RETREG2: variants seen among roughly 807,000 people sequenced by gnomAD.
The protein encoded by RETREG2 is reticulophagy regulator family member 2.
In RETREG2, 21 loss-of-function variants were observed where a neutral mutation model predicts 51.6. The observed-to-expected ratio is 0.41, with a 90% CI of 0.29 to 0.59. The LOEUF is 0.59. Ranked by LOEUF, RETREG2 falls within the 20% of genes least tolerant of loss-of-function variation. RETREG2 has a pLI of 0.34. For synonymous variants in RETREG2, 339 were observed against 288.6 expected (o/e 1.17, Z -1.77); for missense variants, 674 against 646.0 (o/e 1.04, Z -0.47).
intron 5 of RETREG2, 93 bp from the exon 6 acceptor site, chr2:219,180,969 C>T (rs1950269998): frequency 1.3e-6 from 2 of 1,552,714 alleles, no homozygotes; most frequent in African/African-American, 2.7e-5. Flanking sequence ...AAGGACCTTG[C>T]CTACCTTCAG....
In RETREG2 at chr2:219,183,826, C is replaced by T. The variant is rs866682618; in HGVS notation, c.*1197C>T. ...CACTGCTTTCTTAAGAAGTCTTCAC[C>T]CATCTACATGCTAACAACTCACTCA... On this transcript the variant is annotated 3_prime_UTR_variant, in exon 9 of 9. Coordinates refer to ENST00000430297, the MANE Select transcript of RETREG2 (RefSeq NM_024293.6). The T allele has an allele frequency of 2.6e-4, 40 of 152,306 alleles. 1 individual carries two copies. Among genetic ancestry groups the T allele is most frequent in the African/African-American group, 8.9e-4 (37 of 41,568 alleles). The allele number at this position is 152,306 out of a possible 1,614,324, so 9.4% of individuals were successfully genotyped here.
At chr2:219,180,535 C>G in intron 4 of RETREG2, 135 bp from the exon 5 acceptor site, 1 of 1,487,026 alleles carries the variant, frequency 6.7e-7, no homozygotes, top group Non-Finnish European at 9.1e-7. Flanking sequence ...CTTGAGCATC[C>G]TCTTAACCAA....
At chr2:219,180,307 A>G (rs1950260087) in intron 4 of RETREG2, 62 bp downstream of exon 4, 2 of 1,602,996 alleles carry the variant, frequency 1.2e-6, no homozygotes, top group Admixed American at 1.7e-5. Context: ...GTGGCGGGGG[A>G]TGGGAGTGGA....
Position 219,182,253 on chromosome 2 carries a change from C to T in RETREG2, c.1256C>T (p.Pro419Leu), listed in dbSNP as rs3731900. 6.2e-7 allele frequency: 1 copy of T among 1,613,666 alleles called. No individual in the cohort carries two copies. Among genetic ancestry groups the T allele is most frequent in the Admixed American group, 1.7e-5 (1 of 59,966 alleles). The change falls in exon 9 of 9, where the codon CCA (proline) becomes CTA (leucine). Residue 419 changes from proline (P) to leucine (L), a missense_variant. Transcript: ENST00000430297. ...NTHFNGAGSP[P>L]DGVKCSPGGP... Reference sequence around the variant, plus strand: ...CACTTCAATGGGGCAGGGTCCCCCCCAGATGGAGTGAAATGCTCCCCTGGA... The same window carrying T: ...CACTTCAATGGGGCAGGGTCCCCCCTAGATGGAGTGAAATGCTCCCCTGGA...
chr2:219,179,888 T>G (rs555532312), intron 3 of RETREG2, 125 bp downstream of exon 3: 2 of 1,249,048 alleles, frequency 1.6e-6, no homozygotes, highest in Non-Finnish European at 2.4e-6. Flanking sequence ...CCATGGGTTT[T>G]TCATGGTCCT....
rs1311057923 is a variant in RETREG2 at position 219,183,392 on chromosome 2, G to A, written c.*763G>A. Reference sequence around the variant, plus strand: ...TTAGGAGCTTCCTTACTGCTCCTCTGGGTGATCCAAGTGTAGTGGGACCCC... The same window carrying A: ...TTAGGAGCTTCCTTACTGCTCCTCTAGGTGATCCAAGTGTAGTGGGACCCC... On this transcript the variant is annotated 3_prime_UTR_variant, in exon 9 of 9. Coordinates refer to ENST00000430297, the MANE Select transcript of RETREG2 (RefSeq NM_024293.6). The A allele has an allele frequency of 2.6e-5, 4 of 152,296 alleles. No homozygotes were observed. The highest frequency in any genetic ancestry group is 5.9e-5 in the Non-Finnish European group (4 of 68,100). The allele number at this position is 152,296 out of a possible 1,614,324, so 9.4% of individuals were successfully genotyped here.
In RETREG2 at chr2:219,181,099, T is replaced by C; in HGVS notation, c.678T>C (p.His226=). 1 of 1,614,196 alleles carries C rather than the reference T, an allele frequency of 6.2e-7. No individual in the cohort carries two copies. The highest frequency in any genetic ancestry group is 1.7e-4 in the Middle Eastern group (1 of 6,044). The change falls in exon 6 of 9, where the codon CAT becomes CAC. Residue 226 remains histidine, a synonymous_variant. Coordinates refer to ENST00000430297, the MANE Select transcript of RETREG2 (RefSeq NM_024293.6). ...TGCTGTGGCCCCTGGTGGTTTATCATGAGCTGATCCAGAGGATGTACACTC... is the reference window on the plus strand; with the variant it reads ...TGCTGTGGCCCCTGGTGGTTTATCACGAGCTGATCCAGAGGATGTACACTC... ...SILLWPLVVY[H]ELIQRMYTRL...
At position 219,182,900 on chromosome 2, in the gene RETREG2, C is replaced by T. The variant is rs1950303340; in HGVS notation, c.*271C>T. ...CTAGGGAAGTCCTTCCCACAGCCTG[C>T]GCTTGCCTCCCTGCCTCATCTCTAT... On this transcript the variant is annotated 3_prime_UTR_variant, in exon 9 of 9. Coordinates refer to ENST00000430297, the MANE Select transcript of RETREG2 (RefSeq NM_024293.6). 11 of 493,748 alleles carry T rather than the reference C, an allele frequency of 2.2e-5. No individual in the cohort carries two copies. The highest frequency in any genetic ancestry group is 1.3e-4 in the South Asian group (5 of 39,668). The allele number at this position is 493,748 out of a possible 1,614,324, so 30.6% of individuals were successfully genotyped here.
intron 3 of RETREG2, 71 bp downstream of exon 3, chr2:219,179,834 GGAGCA>G: frequency 6.7e-7 from 1 of 1,498,870 alleles, no homozygotes. Context: ...GTGTCACCAT[GGAGCA>G]GGGCAGTGCC....
At position 219,185,111 on chromosome 2, in the gene RETREG2, G is replaced by A. The variant is rs1278502404; in HGVS notation, c.*2482G>A. On this transcript the variant is annotated 3_prime_UTR_variant, in exon 9 of 9. Coordinates refer to ENST00000430297, the MANE Select transcript of RETREG2 (RefSeq NM_024293.6). ...CAAAGTGCTGGGATTACAGGTGTGA[G>A]CCACGGCGCCCAGCCTCATGAGGGT... 1 of 151,956 alleles carries A rather than the reference G, an allele frequency of 6.6e-6. No homozygotes were observed. Among genetic ancestry groups the A allele is most frequent in the Non-Finnish European group, 1.5e-5 (1 of 68,012 alleles). 9.4% of individuals were successfully genotyped at this position (151,956 alleles called of 1,614,324 possible).
In RETREG2 at chr2:219,181,627, G is replaced by C. The variant is rs2272017; in HGVS notation, c.880-13G>C. 0.69 allele frequency: 1,105,460 copies of C among 1,612,752 alleles called. 390,332 individuals are homozygous for C. Among genetic ancestry groups the C allele is most frequent in the Non-Finnish European group, 0.73 (865,405 of 1,179,034 alleles). On this transcript the variant is annotated splice_polypyrimidine_tract_variant and intron_variant, in intron 7 of 8. Transcript: ENST00000430297. ...CCCCTCACATGTCGTGTTCATCCTG[G>C]TTCTCCTGCCAGGTGGATGTGAAGA...
chr2:219,185,368 G>T lies in RETREG2; in HGVS notation c.*2739G>T, dbSNP rs947895515. Reference sequence around the variant, plus strand: ...AGTTGGCTACATGTTTATGTTAGGGGAGGAGGGAGTACATTTTAGCTATGT... The same window carrying T: ...AGTTGGCTACATGTTTATGTTAGGGTAGGAGGGAGTACATTTTAGCTATGT... On this transcript the variant is annotated 3_prime_UTR_variant, in exon 9 of 9. Coordinates refer to ENST00000430297, the MANE Select transcript of RETREG2 (RefSeq NM_024293.6). The T allele has an allele frequency of 6.6e-6, 1 of 152,212 alleles. No homozygotes were observed. Among genetic ancestry groups the T allele is most frequent in the Non-Finnish European group, 1.5e-5 (1 of 68,034 alleles). 9.4% of individuals were successfully genotyped at this position (152,212 alleles called of 1,614,324 possible).
At chr2:219,179,180 A>G (rs1258021497) in intron 2 of RETREG2, 152 bp downstream of exon 2, 6 of 701,634 alleles carry the variant, frequency 8.6e-6, no homozygotes, top group Admixed American at 2.2e-5. Flanking sequence ...CCCTAAAATG[A>G]GAATTGCCCC....
intron 7 of RETREG2, 53 bp from the exon 8 acceptor site, chr2:219,181,587 A>G: frequency 6.2e-7 from 1 of 1,606,342 alleles, no homozygotes; most frequent in Non-Finnish European, 8.5e-7. Flanking sequence ...GCTCCTGATA[A>G]ATTGGTTCTC....
intron 4 of RETREG2, 45 bp downstream of exon 4, chr2:219,180,290 A>C (rs753601328): frequency 6.2e-7 from 1 of 1,611,098 alleles, no homozygotes; most frequent in African/African-American, 1.3e-5. Context: ...ACTGAAGGGG[A>C]ATAGAGGTGG....
chr2:219,178,658 G>A (rs979351134), intron 1 of RETREG2, 25 bp downstream of exon 1: 1 of 1,432,732 alleles, frequency 7.0e-7, no homozygotes, highest in South Asian at 1.5e-5. Context: ...GGAGGGGGCG[G>A]GGCCGGGATG....
Position 219,182,521 on chromosome 2 carries a change from C to T in RETREG2, c.1524C>T (p.Gly508=). Residue 508 remains glycine (G), a synonymous_variant, in exon 9 of 9, where the codon GGC becomes GGT. Coordinates refer to ENST00000430297, the MANE Select transcript of RETREG2 (RefSeq NM_024293.6). The part of the protein sequence containing the change: ...GELEQLNAEL[G]LEPETPPKPP... The stretch of plus-strand genomic sequence containing the variant: ...TGGAGCAGCTGAATGCAGAGCTGGG[C>T]TTGGAGCCAGAGACACCGCCAAAAC... 1 of 1,614,124 alleles carries T rather than the reference C, an allele frequency of 6.2e-7. No homozygotes were observed. Among genetic ancestry groups the T allele is most frequent in the South Asian group, 1.1e-5 (1 of 91,076 alleles).
chr2:219,181,727 T>G lies in RETREG2; in HGVS notation c.967T>G (p.Phe323Val). ...EEASILESGG[F>V]SVSRATTPQL... ...GGCTTCTATCTTGGAGAGTGGTGGC[T>G]TCTCCGTATCCCGGGCCACAACTCC... The change falls in exon 8 of 9, where the codon TTC becomes GTC. Residue 323 changes from phenylalanine to valine, a missense_variant. Phe to Val is a conservative substitution (Grantham distance 50). Coordinates refer to ENST00000430297, the MANE Select transcript of RETREG2 (RefSeq NM_024293.6). The G allele has an allele frequency of 6.2e-7, 1 of 1,614,026 alleles. No homozygotes were observed.
chr2:219,180,902 C>T (rs1950269132), intron 5 of RETREG2, 148 bp downstream of exon 5: 7 of 1,349,442 alleles, frequency 5.2e-6, no homozygotes, highest in Non-Finnish European at 7.3e-6. Flanking sequence ...CTGTGGAAGA[C>T]TTACCTGGGG....
Sources: allele counts gnomAD v4.1 joint callset, GRCh38; gene constraint gnomAD v4.1.1; transcripts MANE v1.5; gene names NCBI Gene and HGNC (gene_info 2026-07-23, HGNC 2026-07-21).